Variants in SOS1 observed in about 807,000 individuals in gnomAD.
SOS1 encodes SOS Ras/Rac guanine nucleotide exchange factor 1, also known as son of sevenless homolog 1.
In SOS1, 25 loss-of-function variants were observed where a neutral mutation model predicts 157.6. That is an observed-to-expected ratio of 0.16 (90% CI 0.12 to 0.22). The LOEUF (loss-of-function observed/expected upper bound fraction) is 0.22. Ranked by LOEUF, SOS1 falls within the 10% of genes least tolerant of loss-of-function variation. SOS1 has a pLI of 1.00. For synonymous variants in SOS1, 528 were observed against 534.0 expected (o/e 0.99, Z 0.16); for missense variants, 1,237 against 1,599.1 (o/e 0.77, Z 3.86).
Position 39,113,867 on chromosome 2 carries a change from T to A in SOS1, c.87+6469A>T, listed in dbSNP as rs540545973. Among the ~76,000 whole-genome samples the A allele has an allele frequency of 3.0e-3, 462 of 152,312 alleles. 2 individuals are homozygous for A. Among genetic ancestry groups the A allele is most frequent in the African/African-American group, 0.011 (437 of 41,576 alleles). On this transcript the variant is annotated intron_variant, in intron 1 of 22. Coordinates refer to ENST00000402219, the MANE Select transcript of SOS1 (RefSeq NM_005633.4). ...GAATCTCTTTTTTGCCTCAGCACTA[T>A]CTCTTTTCCCTTCCTTTCCAAGCTT... is the stretch of plus-strand genomic sequence containing the variant.
chr2:39,068,779 G>A (rs1419982548), intron 1 of SOS1, among the ~76,000 whole-genome samples: 1 of 151,948 alleles, frequency 6.6e-6, no homozygotes, highest in Non-Finnish European at 1.5e-5. Context: ...TCTCAGGCCA[G>A]TGGCCTCTGT....
rs776366413 is a variant in SOS1, at chr2:39,007,187, A to G, written c.2517T>C (p.Ile839=). 4 of 1,586,242 alleles carry G rather than the reference A, an allele frequency of 2.5e-6. No individual in the cohort carries two copies. The highest frequency in any genetic ancestry group is 3.5e-6 in the Non-Finnish European group (4 of 1,154,812). ...TNLTLWFEKC[I]VETENLEERV... ...TTTCTTCTAAATTTTCAGTTTCTAC[A>G]ATACATCTGGGAATAAAAAAAAAGT... Residue 839 remains isoleucine (I), a synonymous_variant, in exon 16 of 23, where the codon ATT becomes ATC. Transcript: ENST00000402219.
intron 1 of SOS1, among the ~76,000 whole-genome samples, chr2:39,100,145 T>C (rs187020246): frequency 5.9e-4 from 90 of 152,332 alleles, no homozygotes; most frequent in African/African-American, 2.1e-3. Flanking sequence ...CCTGTTAGAA[T>C]GACTCTTTTG....
rs573602117 is a variant in SOS1, at chr2:39,096,058, T to C, written c.87+24278A>G. ...TCTAATTTAGAAAAACAAACCTTGA[T>C]TGACTACTAAGGTGAAGGGCTAAGG... On this transcript the variant is annotated intron_variant, in intron 1 of 22. Transcript: ENST00000402219. 3.9e-5 allele frequency among the ~76,000 whole-genome samples: 6 copies of C among 152,332 alleles called. No homozygotes were observed. In the South Asian group the frequency reaches 1.0e-3, roughly 26 times the overall value.
chr2:39,118,667 C>A (rs997442135), intron 1 of SOS1, among the ~76,000 whole-genome samples: 4 of 152,192 alleles, frequency 2.6e-5, no homozygotes, highest in Non-Finnish European at 5.9e-5. Flanking sequence ...AGTTTAGTGC[C>A]TCGCTTGAAT....
upstream of SOS1, among the ~76,000 whole-genome samples, chr2:39,124,674 A>G (rs1674012773): frequency 6.6e-6 from 1 of 152,256 alleles, no homozygotes; most frequent in Admixed American, 6.5e-5. Context: ...TTTTCTGTTC[A>G]AGAACTCACA....
At chr2:39,014,504 T>C (rs577540683) in intron 11 of SOS1, among the ~76,000 whole-genome samples, 11 of 152,210 alleles carry the variant, frequency 7.2e-5, no homozygotes, top group African/African-American at 2.6e-4. Flanking sequence ...CTTGACTCTA[T>C]AAATTTTATA....
At chr2:39,079,361 A>G (rs1394282720) in intron 1 of SOS1, among the ~76,000 whole-genome samples, 1 of 152,190 alleles carries the variant, frequency 6.6e-6, no homozygotes, top group Non-Finnish European at 1.5e-5. Flanking sequence ...ATTAATTTAT[A>G]CTTAATGACA....
At chr2:39,045,481 G>A (rs1035173864) in intron 6 of SOS1, among the ~76,000 whole-genome samples, 2 of 151,828 alleles carry the variant, frequency 1.3e-5, no homozygotes, top group African/African-American at 4.8e-5. Context: ...ACACATTAAT[G>A]GCTGTTGTAT....
chr2:39,123,305 C>T (rs1177255438), upstream of SOS1, among the ~76,000 whole-genome samples: 1 of 152,008 alleles, frequency 6.6e-6, no homozygotes, highest in Non-Finnish European at 1.5e-5. Flanking sequence ...TGTTGGTTTC[C>T]CTCCTGCCCC....
At chr2:39,014,209 T>C (rs190792606) in intron 11 of SOS1, among the ~76,000 whole-genome samples, 142 of 152,122 alleles carry the variant, frequency 9.3e-4, no homozygotes, top group African/African-American at 3.3e-3. Flanking sequence ...CCAATATAGA[T>C]AAAACTAACT....
At chr2:39,049,211 C>T (rs1443670247) in intron 6 of SOS1, among the ~76,000 whole-genome samples, 1 of 152,232 alleles carries the variant, frequency 6.6e-6, no homozygotes, top group Non-Finnish European at 1.5e-5. Flanking sequence ...AGCCACCATG[C>T]CTGGCTATCC....
intron 1 of SOS1, among the ~76,000 whole-genome samples, chr2:39,097,732 T>G (rs574166881): frequency 1.2e-4 from 19 of 152,058 alleles, no homozygotes; most frequent in African/African-American, 3.9e-4. Context: ...CCCAGCTAAT[T>G]TTTTGCATTT....
intron 10 of SOS1, among the ~76,000 whole-genome samples, chr2:39,020,649 G>C (rs972737752): frequency 4.6e-5 from 7 of 151,738 alleles, no homozygotes; most frequent in Non-Finnish European, 8.9e-5. Context: ...ATTGTAGTGA[G>C]GCCTTAAAAG....
At chr2:39,063,388 T>C (rs1046867251) in intron 2 of SOS1, among the ~76,000 whole-genome samples, 1 of 152,226 alleles carries the variant, frequency 6.6e-6, no homozygotes, top group Non-Finnish European at 1.5e-5. Context: ...CCATTTAATA[T>C]AAGGGACTTA....
rs547106233 is a variant in SOS1, at chr2:39,023,374, C to A, written c.1203-149G>T. 6 of 588,404 alleles carry A rather than the reference C, an allele frequency of 1.0e-5. No individual in the cohort carries two copies. In the African/African-American group the frequency reaches 1.1e-4, roughly 11 times the overall value. The allele number at this position is 588,404 out of a possible 1,614,324, so 36.4% of individuals were successfully genotyped here. ...CAAATAGATTAGAATTACAAAATTACACAATTTTGAAAATTAAAGCAACCT... is the reference window on the plus strand; with the variant it reads ...CAAATAGATTAGAATTACAAAATTAAACAATTTTGAAAATTAAAGCAACCT... On this transcript the variant is annotated intron_variant, in intron 9 of 22. Coordinates refer to ENST00000402219, the MANE Select transcript of SOS1 (RefSeq NM_005633.4).
rs397517147 is a variant in SOS1, at chr2:39,023,131, C to T, written c.1297G>A (p.Glu433Lys). 1 of 1,613,232 alleles carries T rather than the reference C, an allele frequency of 6.2e-7. No individual in the cohort carries two copies. Among genetic ancestry groups the T allele is most frequent in the South Asian group, 1.1e-5 (1 of 90,998 alleles). Residue 433 changes from glutamate to lysine, a missense_variant, in exon 10 of 23, where the codon GAG (glutamate) becomes AAG (lysine). This residue lies in a region of SOS1 where 210 missense variants were observed against 220.2 expected (regional missense o/e 0.95). Coordinates refer to ENST00000402219, the MANE Select transcript of SOS1 (RefSeq NM_005633.4). Reference protein sequence around the residue: ...NEIQKNIDGWEGKDIGQCCNE... With the variant: ...NEIQKNIDGWKGKDIGQCCNE... ...CAACACTGTCCAATGTCTTTTCCCTCCCAACCATCAATATTCTTCTGAATC... is the reference window on the plus strand; with the variant it reads ...CAACACTGTCCAATGTCTTTTCCCTTCCAACCATCAATATTCTTCTGAATC...
chr2:39,105,717 C>A (rs919617412), intron 1 of SOS1, among the ~76,000 whole-genome samples: 7 of 151,258 alleles, frequency 4.6e-5, no homozygotes, highest in Non-Finnish European at 8.8e-5. Flanking sequence ...GGCCAACATG[C>A]GAAACCCTGT....
upstream of SOS1, among the ~76,000 whole-genome samples, chr2:39,123,213 G>A (rs775645339): frequency 6.6e-6 from 1 of 152,018 alleles, no homozygotes; most frequent in Non-Finnish European, 1.5e-5. Context: ...ATCACTCCAA[G>A]TAATTCTCAC....
Sources: allele counts gnomAD v4.1 joint callset (sites outside exome capture counted in the v4.1 genomes callset), GRCh38; gene constraint gnomAD v4.1.1; regional missense constraint gnomAD v4.1.1; transcripts MANE v1.5; gene names NCBI Gene and HGNC (gene_info 2026-07-23, HGNC 2026-07-21).